LRP1B: variants seen among roughly 807,000 people sequenced by gnomAD.
The protein encoded by LRP1B is LDL receptor related protein 1B, also known as low-density lipoprotein receptor-related protein 1B.
A neutral mutation model predicts 556.6 loss-of-function variants in LRP1B; 217 were observed. The ratio of observed to expected loss-of-function variants is 0.39; its 90% CI spans 0.35 to 0.44. The LOEUF (loss-of-function observed/expected upper bound fraction) is 0.44, where lower values mean the gene tolerates loss of function less well. Among genes scored for constraint, LRP1B ranks in the 20% least tolerant of loss-of-function variants. The pLI, the probability that LRP1B is intolerant of heterozygous loss-of-function variation, is 1.00. For missense variants in LRP1B, 5,053 were observed against 5,620.8 expected (o/e 0.90, Z 3.23); for synonymous variants, 2,047 against 1,865.8 (o/e 1.10, Z -2.50).
At chr2:140,556,997 A>C (rs1680757627) in intron 43 of LRP1B, among the ~76,000 whole-genome samples, 1 of 152,108 alleles carries the variant, frequency 6.6e-6, no homozygotes, top group African/African-American at 2.4e-5. Context: ...ATTAAAAGGC[A>C]AATATTTTAA....
chr2:141,997,571 C>T (rs1333609909), intron 1 of LRP1B, among the ~76,000 whole-genome samples: 2 of 150,338 alleles, frequency 1.3e-5, no homozygotes, highest in Non-Finnish European at 3.0e-5. Flanking sequence ...CAGCCTCGAA[C>T]TCCTGGGCTC....
intron 21 of LRP1B, among the ~76,000 whole-genome samples, chr2:140,918,241 G>A (rs1322395533): frequency 6.6e-6 from 1 of 150,666 alleles, no homozygotes; most frequent in Non-Finnish European, 1.5e-5. Context: ...TTTGTAAATT[G>A]CCAATTATTT....
At chr2:141,194,002 T>C (rs1176740589) in intron 6 of LRP1B, among the ~76,000 whole-genome samples, 1 of 152,134 alleles carries the variant, frequency 6.6e-6, no homozygotes, top group African/African-American at 2.4e-5. Context: ...CCAATAGAGA[T>C]GCAAATGATT....
chr2:140,996,351 T>C (rs2890544), intron 15 of LRP1B, among the ~76,000 whole-genome samples: 149,967 of 152,106 alleles, frequency 0.99, 73,972 homozygotes, highest in Middle Eastern at 1. Flanking sequence ...TAGCAATATC[T>C]ATTATAAAGA....
chr2:142,034,797 G>T (rs1302204115), intron 1 of LRP1B, among the ~76,000 whole-genome samples: 1 of 151,678 alleles, frequency 6.6e-6, no homozygotes, highest in Admixed American at 6.6e-5. Context: ...CCACACTGTG[G>T]TTATCATGAT....
intron 6 of LRP1B, among the ~76,000 whole-genome samples, chr2:141,226,064 A>C (rs1344303402): frequency 6.6e-6 from 1 of 152,126 alleles, no homozygotes; most frequent in Non-Finnish European, 1.5e-5. Context: ...CCCAAATGCA[A>C]ACCTACCTAA....
At chr2:140,538,870 G>A (rs945332283) in intron 45 of LRP1B, among the ~76,000 whole-genome samples, 1 of 151,530 alleles carries the variant, frequency 6.6e-6, no homozygotes, top group Non-Finnish European at 1.5e-5. Context: ...TATAATCTTA[G>A]TGCCTTTGGG....
intron 84 of LRP1B, among the ~76,000 whole-genome samples, chr2:140,288,539 AATTTG>A (rs1683251413): frequency 3.3e-5 from 5 of 151,960 alleles, no homozygotes; most frequent in Admixed American, 3.3e-4. Context: ...AACTAGCAAC[AATTTG>A]ATTTGAGGCA....
chr2:140,278,441 C>A (rs7576424), intron 84 of LRP1B, among the ~76,000 whole-genome samples: 137,240 of 152,026 alleles, frequency 0.9, 62,540 homozygotes, highest in Non-Finnish European at 0.96. Flanking sequence ...TCATTTATTT[C>A]GCTAACTAGG....
In LRP1B at chr2:140,525,989, G is replaced by A; in HGVS notation, c.7881C>T (p.Asn2627=). The stretch of plus-strand genomic sequence containing the variant: ...GCTTATAGAAATGTGTGCAGTCTGT[G>A]TTATCTAGAAGAAGGTAAACAAAAA... ...ADASDEKNCN[N]TDCTHFYKLG... Residue 2627 remains asparagine (N), a synonymous_variant, in exon 49 of 91, where the codon AAC becomes AAT. Transcript: ENST00000389484. 1.2e-6 allele frequency: 2 copies of A among 1,611,576 alleles called. No individual in the cohort carries two copies. Among genetic ancestry groups the A allele is most frequent in the Non-Finnish European group, 1.7e-6 (2 of 1,178,688 alleles).
intron 1 of LRP1B, among the ~76,000 whole-genome samples, chr2:141,898,763 A>G (rs896386021): frequency 1.3e-5 from 2 of 152,132 alleles, no homozygotes; most frequent in Non-Finnish European, 2.9e-5. Context: ...CCTTATTATC[A>G]GGAGATATTA....
chr2:140,324,349 A>G (rs1680334927), intron 80 of LRP1B, among the ~76,000 whole-genome samples: 1 of 152,006 alleles, frequency 6.6e-6, no homozygotes, highest in Non-Finnish European at 1.5e-5. Context: ...TTATTTGCAG[A>G]CTAATCCTCT....
intron 27 of LRP1B, among the ~76,000 whole-genome samples, chr2:140,863,663 A>C (rs565373382): frequency 6.6e-6 from 1 of 152,090 alleles, no homozygotes; most frequent in Non-Finnish European, 1.5e-5. Context: ...CAAGTTAGTA[A>C]TTTGCCTCAG....
chr2:141,865,082 T>C (rs1698362671), intron 1 of LRP1B, among the ~76,000 whole-genome samples: 1 of 152,142 alleles, frequency 6.6e-6, no homozygotes, highest in South Asian at 2.1e-4. Flanking sequence ...ATGCTACCCT[T>C]CCACCAGAGT....
intron 14 of LRP1B, among the ~76,000 whole-genome samples, chr2:141,009,295 A>C (rs1697670976): frequency 6.6e-6 from 1 of 151,844 alleles, no homozygotes; most frequent in South Asian, 2.1e-4. Flanking sequence ...AGAGAGTGAG[A>C]TCCTGAGGCC....
chr2:140,469,777 G>A (rs936463548), intron 60 of LRP1B, among the ~76,000 whole-genome samples: 4 of 152,168 alleles, frequency 2.6e-5, no homozygotes, highest in African/African-American at 9.6e-5. Flanking sequence ...AAAAGCAAGG[G>A]TGCTGTGTGA....
At chr2:142,076,073 G>A (rs527849811) in intron 1 of LRP1B, among the ~76,000 whole-genome samples, 13 of 152,084 alleles carry the variant, frequency 8.5e-5, no homozygotes, top group African/African-American at 2.9e-4. Flanking sequence ...TTCCCAGCTC[G>A]GACATAAAGC....
chr2:142,125,833 C>A (rs372925833), intron 1 of LRP1B, among the ~76,000 whole-genome samples: 5 of 152,008 alleles, frequency 3.3e-5, no homozygotes, highest in East Asian at 1.9e-4. Flanking sequence ...TACTCTCCCC[C>A]CTCCTCTGCC....
chr2:141,938,467 G>T (rs1198777454), intron 1 of LRP1B, among the ~76,000 whole-genome samples: 2 of 152,094 alleles, frequency 1.3e-5, no homozygotes, highest in Admixed American at 1.3e-4. Context: ...TGAAGAAAAG[G>T]GAACCTTTGT....
Sources: allele counts gnomAD v4.1 joint callset (sites outside exome capture counted in the v4.1 genomes callset), GRCh38; gene constraint gnomAD v4.1.1; transcripts MANE v1.5; gene names NCBI Gene and HGNC (gene_info 2026-07-23, HGNC 2026-07-21).